NSF: variants seen among roughly 807,000 people sequenced by gnomAD.
The protein encoded by NSF is N-ethylmaleimide sensitive factor, vesicle fusing ATPase.
Under a neutral mutation model 50.3 loss-of-function variants are expected in NSF, and 14 were observed. The ratio of observed to expected loss-of-function variants is 0.28; its 90% CI spans 0.18 to 0.44. The LOEUF (loss-of-function observed/expected upper bound fraction) is 0.44, where lower values mean the gene tolerates loss of function less well. Ranked by LOEUF, NSF falls within the 20% of genes least tolerant of loss-of-function variation. The pLI is 1.00. For synonymous variants in NSF, 109 were observed against 175.7 expected (o/e 0.62, Z 3.00); for missense variants, 218 against 504.3 (o/e 0.43, Z 5.44).
At chr17:46,735,948 A>T (rs1200452427) in intron 17 of NSF, among the ~76,000 whole-genome samples, 1 of 152,108 alleles carries the variant, frequency 6.6e-6, no homozygotes, top group Non-Finnish European at 1.5e-5. Flanking sequence ...TCTGTCTCAA[A>T]AAAAGAATTG....
At chr17:46,681,560 T>C (rs1251248027) in intron 9 of NSF, among the ~76,000 whole-genome samples, 1 of 142,446 alleles carries the variant, frequency 7.0e-6, no homozygotes, top group East Asian at 3.1e-4. Flanking sequence ...ACATCTCGTC[T>C]TCAAAAAAAA....
At chr17:46,703,793 C>G (rs1362356217) in intron 12 of NSF, among the ~76,000 whole-genome samples, 1 of 146,726 alleles carries the variant, frequency 6.8e-6, no homozygotes, top group African/African-American at 2.5e-5. Flanking sequence ...GTTGTGCAAC[C>G]ATCACTACCA....
chr17:46,719,853 T>G lies in NSF; in HGVS notation c.1761+5867T>G, dbSNP rs1211173391. On this transcript the variant is annotated intron_variant, in intron 15 of 20. Coordinates refer to ENST00000398238, the MANE Select transcript of NSF (RefSeq NM_006178.4). The surrounding 1 kb of genome is among the most constrained non-coding windows in gnomAD (Gnocchi z 4.3). Reference sequence around the variant, plus strand: ...GTAGAACAATCAGATAGAACTAAATTGTTTGAACAAAATTAAGTAAAACTA... The same window carrying G: ...GTAGAACAATCAGATAGAACTAAATGGTTTGAACAAAATTAAGTAAAACTA... Among the ~76,000 whole-genome samples the G allele has an allele frequency of 3.9e-5, 6 of 152,222 alleles. No individual in the cohort carries two copies. The East Asian group carries it at 1.2e-3, about 29-fold the overall frequency.
At chr17:46,708,817 TA>T (rs2058685895) in intron 13 of NSF, among the ~76,000 whole-genome samples, 2 of 108,188 alleles carry the variant, frequency 1.8e-5, no homozygotes, top group Non-Finnish European at 1.8e-5. Flanking sequence ...TATATATATA[TA>T]TATATTTTTT....
chr17:46,716,261 C>CTT lies in NSF; in HGVS notation c.1761+2287_1761+2288dup, dbSNP rs56755526. On this transcript the variant is annotated intron_variant, in intron 15 of 20. Coordinates refer to ENST00000398238, the MANE Select transcript of NSF (RefSeq NM_006178.4). ...CCTCCCACTACTGTTCTTGCCCCTC[C>CTT]TTTTTTTTTTTTTGAGATGGAGTCT... is the stretch of plus-strand genomic sequence containing the variant. Among the ~76,000 whole-genome samples the CTT allele has an allele frequency of 4.3e-3, 623 of 143,750 alleles. 3 individuals carry two copies. Among genetic ancestry groups the CTT allele is most frequent in the African/African-American group, 0.011 (414 of 39,142 alleles). The allele number at this position is 143,750 out of a possible 152,430, so 94.3% of individuals were successfully genotyped here.
At chr17:46,724,922 A>G (rs1013460196) in intron 15 of NSF, among the ~76,000 whole-genome samples, 1 of 152,132 alleles carries the variant, frequency 6.6e-6, no homozygotes, top group African/African-American at 2.4e-5. Context: ...CCTGACTTCA[A>G]TCAGATATCT....
rs534117872 is a variant in NSF, at chr17:46,666,140, C to G, written c.746-8274C>G. On this transcript the variant is annotated intron_variant, in intron 8 of 20. Coordinates refer to ENST00000398238, the MANE Select transcript of NSF (RefSeq NM_006178.4). ...TTGCAATTGGCAAGATAAAGGGGAA[C>G]TTTGGAAAATAAATATACTTATGAT... Among the ~76,000 whole-genome samples the G allele has an allele frequency of 1.0e-4, 15 of 149,744 alleles. No individual in the cohort carries two copies. The East Asian group carries it at 1.5e-3, about 15-fold the overall frequency.
intron 17 of NSF, among the ~76,000 whole-genome samples, chr17:46,732,275 G>A (rs935931425): frequency 8.5e-5 from 13 of 152,098 alleles, no homozygotes; most frequent in African/African-American, 9.7e-5. Flanking sequence ...ATGTGTGCAC[G>A]TGCTCAAATA....
At position 46,730,943 on chromosome 17, in the gene NSF, G is replaced by C. The variant is rs2058942584; in HGVS notation, c.1908+2009G>C. ...CGCTGGTGCAGATGTGGAGAAATTGGAACCTGTATGCACTGCTGGTAAGAA... is the reference window on the plus strand; with the variant it reads ...CGCTGGTGCAGATGTGGAGAAATTGCAACCTGTATGCACTGCTGGTAAGAA... On this transcript the variant is annotated intron_variant, in intron 17 of 20. Transcript: ENST00000398238. 3.4e-5 allele frequency among the ~76,000 whole-genome samples: 5 copies of C among 148,554 alleles called. No homozygotes were observed. The Admixed American group carries it at 3.4e-4, about 10-fold the overall frequency.
At chr17:46,728,377 A>T (rs943319077) in intron 16 of NSF, among the ~76,000 whole-genome samples, 2 of 152,164 alleles carry the variant, frequency 1.3e-5, no homozygotes, top group Non-Finnish European at 2.9e-5. Flanking sequence ...ATGCTTGGTA[A>T]ATACACCTGG....
At chr17:46,741,987 C>A (rs763972431) in intron 17 of NSF, among the ~76,000 whole-genome samples, 8 of 152,178 alleles carry the variant, frequency 5.3e-5, no homozygotes, top group Non-Finnish European at 8.8e-5. Flanking sequence ...AACTCCTGAC[C>A]TCGTGATCCA....
intron 8 of NSF, among the ~76,000 whole-genome samples, chr17:46,671,977 T>G (rs2058373877): frequency 7.1e-6 from 1 of 139,922 alleles, no homozygotes; most frequent in African/African-American, 2.6e-5. Flanking sequence ...TTAAAATCCT[T>G]CATATTCTTT....
intron 15 of NSF, among the ~76,000 whole-genome samples, chr17:46,725,048 G>A (rs34782360): frequency 6.6e-6 from 1 of 152,120 alleles, no homozygotes; most frequent in South Asian, 2.1e-4. Context: ...TGAGGATACA[G>A]AGGTAATTAA....
At chr17:46,728,527 G>A (rs551189190) in intron 16 of NSF, among the ~76,000 whole-genome samples, 2 of 152,108 alleles carry the variant, frequency 1.3e-5, no homozygotes, top group African/African-American at 4.8e-5. Flanking sequence ...TACCTGGGAG[G>A]CTTAGGCAGG....
At chr17:46,731,929 A>G (rs1346559510) in intron 17 of NSF, among the ~76,000 whole-genome samples, 1 of 152,204 alleles carries the variant, frequency 6.6e-6, no homozygotes, top group Non-Finnish European at 1.5e-5. Flanking sequence ...AAATGTTTAT[A>G]TTCTCTCAAG....
chr17:46,724,501 A>G (rs1173631047), intron 15 of NSF, among the ~76,000 whole-genome samples: 1 of 152,196 alleles, frequency 6.6e-6, no homozygotes, highest in Admixed American at 6.5e-5. Flanking sequence ...TCTTTCAGAA[A>G]GGGGTGTATT....
intron 17 of NSF, among the ~76,000 whole-genome samples, chr17:46,731,249 G>A (rs1024162967): frequency 6.6e-6 from 1 of 152,070 alleles, no homozygotes; most frequent in African/African-American, 2.4e-5. Context: ...ACCACATATT[G>A]GATGATTCCA....
Position 46,671,993 on chromosome 17 carries a change from T to TTGTA in NSF, c.746-2420_746-2417dup, listed in dbSNP as rs898078459. ...TAAAATCCTTCATATTCTTTGAGTT[T>TTGTA]TGTAGGAAAAGAATCAACAGTTTAC... is the stretch of plus-strand genomic sequence containing the variant. On this transcript the variant is annotated intron_variant, in intron 8 of 20. Transcript: ENST00000398238. Among the ~76,000 whole-genome samples the TTGTA allele has an allele frequency of 5.1e-5, 7 of 136,302 alleles. 1 individual carries two copies. The highest frequency in any genetic ancestry group is 1.9e-4 in the African/African-American group (7 of 37,832). 89.4% of individuals were successfully genotyped at this position (136,302 alleles called of 152,430 possible). A position where few individuals can be genotyped will look rare whatever the true frequency, so the allele number is the denominator to read the frequency against.
At chr17:46,726,873 G>A (rs1568048733) in intron 16 of NSF, among the ~76,000 whole-genome samples, 1 of 152,106 alleles carries the variant, frequency 6.6e-6, no homozygotes, top group African/African-American at 2.4e-5. Context: ...ATCTTCCAGT[G>A]TGCCCTTGCC....
Sources: allele counts gnomAD v4.1 joint callset (sites outside exome capture counted in the v4.1 genomes callset), GRCh38; gene constraint gnomAD v4.1.1; non-coding constraint Gnocchi (gnomAD v3.1); transcripts MANE v1.5; gene names NCBI Gene and HGNC (gene_info 2026-07-23, HGNC 2026-07-21).